Variants in ANKRD45 observed in about 807,000 individuals in gnomAD.
The protein encoded by ANKRD45 is ankyrin repeat domain 45, also known as ankyrin repeat domain-containing protein 45.
In ANKRD45, 21 loss-of-function variants were observed where a neutral mutation model predicts 28.1. The ratio of observed to expected loss-of-function variants is 0.75; its 90% CI spans 0.53 to 1.08. The LOEUF is 1.08. ANKRD45 is among the 50% of genes least tolerant of loss of function. ANKRD45 has a pLI of 0.00. For synonymous variants in ANKRD45, 86 were observed against 103.9 expected, an observed-to-expected ratio of 0.83 and a Z score of 1.05; for missense variants, 261 against 308.7, an observed-to-expected ratio of 0.85 and a Z score of 1.16.
chr1:173,697,172 G>T, the ANKRD45 span, among the ~76,000 whole-genome samples: 1 of 152,194 alleles, frequency 6.6e-6, no homozygotes, highest in African/African-American at 2.4e-5. Context: ...TATGTGAAAA[G>T]ACCAAATCTA....
intron 5 of ANKRD45, among the ~76,000 whole-genome samples, chr1:173,615,717 T>C (rs1363661676): frequency 1.3e-5 from 2 of 152,300 alleles, no homozygotes; most frequent in Non-Finnish European, 2.9e-5. Context: ...GGAAAACATG[T>C]GACCACACAA....
the ANKRD45 span, among the ~76,000 whole-genome samples, chr1:173,713,831 A>G: frequency 6.6e-6 from 1 of 152,154 alleles, no homozygotes; most frequent in Non-Finnish European, 1.5e-5. Context: ...CAAATGCTCC[A>G]GGAGGCCGAT....
At chr1:173,615,691 A>G (rs1199183838) in intron 5 of ANKRD45, among the ~76,000 whole-genome samples, 1 of 152,226 alleles carries the variant, frequency 6.6e-6, no homozygotes, top group Non-Finnish European at 1.5e-5. Context: ...TAACTCAGCA[A>G]TATACCAAAG....
At chr1:173,713,959 T>TGG in the ANKRD45 span, among the ~76,000 whole-genome samples, 4 of 152,224 alleles carry the variant, frequency 2.6e-5, no homozygotes, top group Non-Finnish European at 5.9e-5. Flanking sequence ...CATCTGTATC[T>TGG]GGGCAGCAGG....
chr1:173,686,862 T>C, the ANKRD45 span, among the ~76,000 whole-genome samples: 1 of 152,236 alleles, frequency 6.6e-6, no homozygotes, highest in African/African-American at 2.4e-5. Context: ...TTAAACTTAA[T>C]TTTAATACAA....
chr1:173,711,247 A>G, the ANKRD45 span, among the ~76,000 whole-genome samples: 1 of 152,220 alleles, frequency 6.6e-6, no homozygotes, highest in Admixed American at 6.5e-5. Context: ...TAGAAAGTTT[A>G]TTTTGCCAAG....
chr1:173,655,713 A>G (rs1299162696), intron 2 of ANKRD45, among the ~76,000 whole-genome samples: 1 of 152,202 alleles, frequency 6.6e-6, no homozygotes, highest in African/African-American at 2.4e-5. Flanking sequence ...CCAGAGGTGG[A>G]GTCAACAGAG....
intron 2 of ANKRD45, among the ~76,000 whole-genome samples, chr1:173,654,083 T>G (rs534859769): frequency 6.6e-6 from 1 of 152,170 alleles, no homozygotes; most frequent in Non-Finnish European, 1.5e-5. Flanking sequence ...TGTCTTTTAA[T>G]TGCGGCATTT....
the ANKRD45 span, among the ~76,000 whole-genome samples, chr1:173,698,096 T>C: frequency 6.6e-6 from 1 of 152,162 alleles, no homozygotes; most frequent in African/African-American, 2.4e-5. Context: ...AAGGGATCAA[T>C]TCAACAAGAA....
chr1:173,657,218 G>A, intron 2 of ANKRD45: 1 of 188,662 alleles, frequency 5.3e-6, no homozygotes, highest in Non-Finnish European at 1.2e-5. Flanking sequence ...TATAATCCCA[G>A]CACTTTGGAA....
At chr1:173,713,468 C>CA in the ANKRD45 span, among the ~76,000 whole-genome samples, 1 of 152,184 alleles carries the variant, frequency 6.6e-6, no homozygotes, top group Non-Finnish European at 1.5e-5. Flanking sequence ...GACCACCAGA[C>CA]AACGGGGATA....
chr1:173,698,896 A>T, the ANKRD45 span, among the ~76,000 whole-genome samples: 1 of 151,986 alleles, frequency 6.6e-6, no homozygotes, highest in African/African-American at 2.4e-5. Flanking sequence ...TTTTTTTTTT[A>T]AAGATCAACA....
chr1:173,650,904 G>A (rs1354072362), intron 2 of ANKRD45, among the ~76,000 whole-genome samples: 1 of 152,190 alleles, frequency 6.6e-6, no homozygotes, highest in East Asian at 1.9e-4. Flanking sequence ...CTTTTCAGAA[G>A]TGTCTGTTCA....
At chr1:173,696,255 C>T in the ANKRD45 span, among the ~76,000 whole-genome samples, 11 of 152,172 alleles carry the variant, frequency 7.2e-5, no homozygotes, top group Non-Finnish European at 1.5e-4. Flanking sequence ...AAAGAACCGA[C>T]GTGAAATATT....
intron 3 of ANKRD45, among the ~76,000 whole-genome samples, chr1:173,634,825 T>C (rs1571722839): frequency 6.6e-6 from 1 of 152,046 alleles, no homozygotes; most frequent in East Asian, 1.9e-4. Context: ...CTTTTTATCA[T>C]ATACCATGCC....
At chr1:173,700,797 G>A in the ANKRD45 span, among the ~76,000 whole-genome samples, 5 of 152,162 alleles carry the variant, frequency 3.3e-5, no homozygotes, top group Non-Finnish European at 2.9e-5. Context: ...AAAAGCAATG[G>A]CAACAAAAGC....
chr1:173,684,139 C>A, the ANKRD45 span, among the ~76,000 whole-genome samples: 4 of 151,906 alleles, frequency 2.6e-5, no homozygotes, highest in African/African-American at 9.7e-5. Context: ...AGCAGCTGAT[C>A]CGAATGAGTT....
At chr1:173,697,554 C>A in the ANKRD45 span, among the ~76,000 whole-genome samples, 1 of 152,144 alleles carries the variant, frequency 6.6e-6, no homozygotes, top group African/African-American at 2.4e-5. Context: ...AATTTCACAT[C>A]CAGCCAAACT....
At chr1:173,633,250 T>TA (rs1039079968) in intron 3 of ANKRD45, among the ~76,000 whole-genome samples, 9 of 151,168 alleles carry the variant, frequency 6.0e-5, no homozygotes, top group African/African-American at 1.9e-4. Flanking sequence ...TTACAATACA[T>TA]ACAAAGAAAA....
Sources: allele counts gnomAD v4.1 joint callset (sites outside exome capture counted in the v4.1 genomes callset), GRCh38; gene constraint gnomAD v4.1.1; transcripts MANE v1.5; gene names NCBI Gene and HGNC (gene_info 2026-07-23, HGNC 2026-07-21).